Variants in SLC24A3 observed in about 807,000 individuals in gnomAD.
The protein encoded by SLC24A3 is sodium/potassium/calcium exchanger 3.
In SLC24A3, 28 loss-of-function variants were observed where a neutral mutation model predicts 75.8. The observed-to-expected ratio is 0.37, with a 90% CI of 0.27 to 0.51. The LOEUF (loss-of-function observed/expected upper bound fraction) is 0.51. SLC24A3 is among the 20% of genes least tolerant of loss of function. The pLI, the probability that SLC24A3 is intolerant of heterozygous loss-of-function variation, is 0.94. For missense variants in SLC24A3, 663 were observed against 847.8 expected (o/e 0.78, Z 2.71); for synonymous variants, 372 against 334.1 (o/e 1.11, Z -1.24).
intron 6 of SLC24A3, among the ~76,000 whole-genome samples, chr20:19,641,165 G>A (rs1328745678): frequency 1.3e-5 from 2 of 152,198 alleles, no homozygotes; most frequent in East Asian, 3.9e-4. Flanking sequence ...TGGAGCCTGA[G>A]CCCCCATTTA....
At chr20:19,325,682 G>A (rs1367136441) in intron 2 of SLC24A3, among the ~76,000 whole-genome samples, 1 of 144,918 alleles carries the variant, frequency 6.9e-6, no homozygotes, top group African/African-American at 2.6e-5. Flanking sequence ...AGATTTTTTT[G>A]TTTTTTTGTT....
chr20:19,428,865 T>C (rs1987056181), intron 2 of SLC24A3, among the ~76,000 whole-genome samples: 1 of 152,196 alleles, frequency 6.6e-6, no homozygotes, highest in African/African-American at 2.4e-5. Flanking sequence ...TCTACAAACA[T>C]AAACTGTCTT....
At chr20:19,293,859 T>A (rs1373813681) in intron 2 of SLC24A3, among the ~76,000 whole-genome samples, 1 of 152,092 alleles carries the variant, frequency 6.6e-6, no homozygotes, top group Admixed American at 6.5e-5. Flanking sequence ...TCATTCAGTC[T>A]CAAGAATCTT....
intron 2 of SLC24A3, among the ~76,000 whole-genome samples, chr20:19,286,914 A>G (rs1983831602): frequency 1.3e-5 from 2 of 152,228 alleles, no homozygotes; most frequent in Admixed American, 6.5e-5. Context: ...TCATCTGTAC[A>G]TTATTTCACT....
At chr20:19,669,960 G>A (rs2032446716) in intron 8 of SLC24A3, among the ~76,000 whole-genome samples, 1 of 152,070 alleles carries the variant, frequency 6.6e-6, no homozygotes, top group Admixed American at 6.6e-5. Context: ...CAGCGGGTGA[G>A]GTGTGCTCAG....
chr20:19,669,404 AG>A (rs1413096340), intron 8 of SLC24A3, among the ~76,000 whole-genome samples: 1 of 151,978 alleles, frequency 6.6e-6, no homozygotes. Flanking sequence ...CGGGAGGCTG[AG>A]GCTGGAGAAT....
chr20:19,497,343 A>T (rs372033798), intron 2 of SLC24A3, among the ~76,000 whole-genome samples: 7 of 152,268 alleles, frequency 4.6e-5, no homozygotes, highest in African/African-American at 1.7e-4. Flanking sequence ...TTGGAGAAAG[A>T]TACTTACCGC....
rs561876243 is a variant in SLC24A3 at position 19,669,521 on chromosome 20, A to G, written c.713+3632A>G. On this transcript the variant is annotated intron_variant, in intron 8 of 16. Coordinates refer to ENST00000328041, the MANE Select transcript of SLC24A3 (RefSeq NM_020689.4). ...TGTCTCAAAAAAAAAAAAAGAAAAAAAAGTGTCAGAGGCCCACATATTAGG... is the reference window on the plus strand; with the variant it reads ...TGTCTCAAAAAAAAAAAAAGAAAAAGAAGTGTCAGAGGCCCACATATTAGG... 3.2e-4 allele frequency among the ~76,000 whole-genome samples: 49 copies of G among 152,176 alleles called. 1 individual carries two copies. The highest frequency in any genetic ancestry group is 3.9e-4 in the Admixed American group (6 of 15,288).
rs571499434 is a variant in SLC24A3 at position 19,218,695 on chromosome 20, T to A, written c.142+5711T>A. On this transcript the variant is annotated intron_variant, in intron 1 of 16. Transcript: ENST00000328041. The stretch of plus-strand genomic sequence containing the variant: ...CAAGCCTCAAATCCTTGTGGGAAGC[T>A]TTTTTTTTTTTTCTTCACCCTGGAG... Among the ~76,000 whole-genome samples the A allele has an allele frequency of 6.9e-3, 954 of 138,272 alleles. 10 individuals are homozygous for A. The highest frequency in any genetic ancestry group is 0.024 in the African/African-American group (910 of 37,214). The allele number at this position is 138,272 out of a possible 152,430, so 90.7% of individuals were successfully genotyped here.
chr20:19,288,729 A>T (rs188504661), intron 2 of SLC24A3, among the ~76,000 whole-genome samples: 1 of 152,216 alleles, frequency 6.6e-6, no homozygotes, highest in Non-Finnish European at 1.5e-5. Flanking sequence ...AAATGCAAAA[A>T]CAAACATAGG....
At chr20:19,530,870 G>A (rs2030285011) in intron 3 of SLC24A3, among the ~76,000 whole-genome samples, 1 of 152,164 alleles carries the variant, frequency 6.6e-6, no homozygotes, top group African/African-American at 2.4e-5. Context: ...CCTGTCCAGA[G>A]TAAACAGGTA....
intron 2 of SLC24A3, among the ~76,000 whole-genome samples, chr20:19,411,164 G>A (rs115386914): frequency 0.014 from 2,159 of 152,230 alleles, 60 homozygotes; most frequent in African/African-American, 0.049. Context: ...AATCTGAATG[G>A]TGTGATCTGT....
At chr20:19,605,187 CA>C (rs1342050779) in intron 6 of SLC24A3, among the ~76,000 whole-genome samples, 20 of 152,280 alleles carry the variant, frequency 1.3e-4, no homozygotes, top group Admixed American at 1.2e-3. Context: ...AAAGATCAAG[CA>C]AAGAGATTAT....
intron 2 of SLC24A3, among the ~76,000 whole-genome samples, chr20:19,477,771 C>T (rs1030133032): frequency 6.6e-6 from 1 of 152,122 alleles, no homozygotes; most frequent in African/African-American, 2.4e-5. Flanking sequence ...CTCCCATTTG[C>T]CAGTCTTACA....
At chr20:19,625,795 G>A (rs964258832) in intron 6 of SLC24A3, among the ~76,000 whole-genome samples, 3 of 152,124 alleles carry the variant, frequency 2.0e-5, no homozygotes, top group African/African-American at 7.2e-5. Context: ...GGGCACAAGT[G>A]AATGCAAGTA....
chr20:19,609,308 TG>T (rs1192481248), intron 6 of SLC24A3, among the ~76,000 whole-genome samples: 4 of 152,112 alleles, frequency 2.6e-5, no homozygotes, highest in African/African-American at 7.2e-5. Context: ...TCTTATAACC[TG>T]ATTTTTTTTT....
At chr20:19,692,092 T>C (rs1175142025) in intron 12 of SLC24A3, among the ~76,000 whole-genome samples, 4 of 152,210 alleles carry the variant, frequency 2.6e-5, no homozygotes, top group African/African-American at 9.7e-5. Flanking sequence ...ATGAAACAAA[T>C]ACTGGATACT....
chr20:19,554,644 C>T (rs2030754163), intron 3 of SLC24A3, among the ~76,000 whole-genome samples: 1 of 152,326 alleles, frequency 6.6e-6, no homozygotes, highest in Admixed American at 6.5e-5. Flanking sequence ...AATGGGATAC[C>T]TTGCATGTAG....
Position 19,212,950 on chromosome 20 carries a change from G to GC in SLC24A3, c.109dup (p.Leu37ProfsTer14). The stretch of plus-strand genomic sequence containing the variant: ...GCTTCCTGGCCTCGGTGGCGCTGCT[G>GC]CTCTGGTCGCTGTCGAGCCTGCGAG... On this transcript the variant is annotated frameshift_variant, in exon 1 of 17. Coordinates refer to ENST00000328041, the MANE Select transcript of SLC24A3 (RefSeq NM_020689.4). LOFTEE classifies it high-confidence loss of function. 1 of 1,327,982 alleles carries GC rather than the reference G, an allele frequency of 7.5e-7. No individual in the cohort carries two copies. Among genetic ancestry groups the GC allele is most frequent in the Non-Finnish European group, 9.6e-7 (1 of 1,036,712 alleles). 82.3% of individuals were successfully genotyped at this position (1,327,982 alleles called of 1,614,324 possible).
Sources: allele counts gnomAD v4.1 joint callset (sites outside exome capture counted in the v4.1 genomes callset), GRCh38; gene constraint gnomAD v4.1.1; transcripts MANE v1.5; gene names NCBI Gene and HGNC (gene_info 2026-07-23, HGNC 2026-07-21).